The following BBS9 variants were observed in gnomAD, a reference collection of about 807,000 sequenced individuals.
BBS9 encodes Bardet-Biedl syndrome 9.
Under a neutral mutation model 117.7 loss-of-function variants are expected in BBS9, and 89 were observed. That is an observed-to-expected ratio of 0.76 (90% CI 0.64 to 0.90). The LOEUF is 0.90. Among genes scored for constraint, BBS9 ranks in the 40% least tolerant of loss-of-function variants. BBS9 has a pLI of 0.00. For missense variants in BBS9, 982 were observed against 1,042.2 expected (o/e 0.94, Z 0.80); for synonymous variants, 379 against 370.9 (o/e 1.02, Z -0.25).
chr7:33,265,958 G>A (rs1277272443), intron 7 of BBS9, among the ~76,000 whole-genome samples: 1 of 152,018 alleles, frequency 6.6e-6, no homozygotes, highest in Non-Finnish European at 1.5e-5. Flanking sequence ...ACTGATAATG[G>A]TAATTAAATT....
intron 19 of BBS9, among the ~76,000 whole-genome samples, chr7:33,451,123 C>G (rs919182617): frequency 1.3e-5 from 2 of 151,970 alleles, no homozygotes; most frequent in African/African-American, 2.4e-5. Context: ...CTCCTGACCT[C>G]GTGATCTGCC....
intron 19 of BBS9, among the ~76,000 whole-genome samples, chr7:33,414,601 A>G (rs1330176142): frequency 6.6e-6 from 1 of 152,220 alleles, no homozygotes; most frequent in African/African-American, 2.4e-5. Context: ...ATTTCATCTC[A>G]AGATGAGTTT....
chr7:33,541,106 C>A (rs1350990754), intron 21 of BBS9, among the ~76,000 whole-genome samples: 1 of 152,114 alleles, frequency 6.6e-6, no homozygotes, highest in Non-Finnish European at 1.5e-5. Context: ...TCTCATCAAG[C>A]TACCACTGTA....
intron 19 of BBS9, among the ~76,000 whole-genome samples, chr7:33,495,904 C>G (rs1241178144): frequency 2.0e-5 from 3 of 152,088 alleles, no homozygotes; most frequent in Non-Finnish European, 4.4e-5. Flanking sequence ...CAGAGTCATA[C>G]TTATATATAT....
intron 9 of BBS9, among the ~76,000 whole-genome samples, chr7:33,290,415 G>C (rs1803792177): frequency 6.6e-6 from 1 of 152,142 alleles, no homozygotes; most frequent in Non-Finnish European, 1.5e-5. Context: ...ATGGAGGGAT[G>C]CAGTTAAAAA....
At position 33,349,069 on chromosome 7, in the gene BBS9, T is replaced by C; in HGVS notation, c.1331T>C (p.Val444Ala). The change falls in exon 13 of 23, where the codon GTC becomes GCC. Residue 444 changes from valine (V) to alanine (A), a missense_variant and splice_region_variant. Physicochemically the swap from Val to Ala is moderately conservative, Grantham distance 64 (BLOSUM62 0). Coordinates refer to ENST00000242067, the MANE Select transcript of BBS9 (RefSeq NM_198428.3). ...TDLVPSVTVKVTLQNRVILQK... is the reference protein window; with the variant it reads ...TDLVPSVTVKATLQNRVILQK... ...TGATAACAATTTCTGTTTCCTTAGG[T>C]CACACTGCAGAACAGAGTGATATTG... The C allele has an allele frequency of 2.5e-6, 4 of 1,596,930 alleles. No individual in the cohort carries two copies. Among genetic ancestry groups the C allele is most frequent in the Non-Finnish European group, 3.4e-6 (4 of 1,164,696 alleles).
At chr7:33,138,776 A>C (rs576421759) in intron 1 of BBS9, among the ~76,000 whole-genome samples, 41 of 150,346 alleles carry the variant, frequency 2.7e-4, no homozygotes, top group Middle Eastern at 3.4e-3. Flanking sequence ...GGGGGGAAAG[A>C]TGGGGTCTTG....
chr7:33,314,393 T>C, intron 9 of BBS9: 1 of 312,388 alleles, frequency 3.2e-6, no homozygotes, highest in Non-Finnish European at 6.3e-6. Flanking sequence ...AGTGCTAGAT[T>C]AGAGCTATTA....
intron 21 of BBS9, among the ~76,000 whole-genome samples, chr7:33,593,314 G>C (rs1386946207): frequency 6.6e-6 from 1 of 152,048 alleles, no homozygotes; most frequent in Non-Finnish European, 1.5e-5. Context: ...CAATACTTTT[G>C]TATTCCTGTT....
chr7:33,627,190 G>A (rs1865682990), intron 21 of BBS9, among the ~76,000 whole-genome samples: 1 of 152,240 alleles, frequency 6.6e-6, no homozygotes, highest in African/African-American at 2.4e-5. Flanking sequence ...CCCAGCTGTG[G>A]CTAAAAGGGT....
intron 5 of BBS9, among the ~76,000 whole-genome samples, chr7:33,181,748 T>C (rs942866887): frequency 3.9e-5 from 6 of 152,240 alleles, no homozygotes; most frequent in Non-Finnish European, 7.3e-5. Context: ...TCACCAACCT[T>C]CCACAACTTG....
chr7:33,267,730 A>G (rs1390575047), intron 7 of BBS9, among the ~76,000 whole-genome samples: 1 of 152,170 alleles, frequency 6.6e-6, no homozygotes, highest in East Asian at 1.9e-4. Flanking sequence ...TGCATAAATA[A>G]TCAATTATAT....
At chr7:33,489,331 CTTTT>C (rs35199510) in intron 19 of BBS9, among the ~76,000 whole-genome samples, 8 of 86,252 alleles carry the variant, frequency 9.3e-5, no homozygotes, top group East Asian at 3.6e-4. Flanking sequence ...CCACTTATGG[CTTTT>C]TTTTTTTTTT....
intron 21 of BBS9, among the ~76,000 whole-genome samples, chr7:33,558,098 A>T (rs1855554500): frequency 6.6e-6 from 1 of 152,248 alleles, no homozygotes; most frequent in Non-Finnish European, 1.5e-5. Flanking sequence ...CTTGGAATCA[A>T]AAATTATTTT....
chr7:33,174,231 A>C (rs947685781), intron 4 of BBS9, among the ~76,000 whole-genome samples: 1 of 152,188 alleles, frequency 6.6e-6, no homozygotes, highest in African/African-American at 2.4e-5. Context: ...CATGATCCCC[A>C]GTTGCTGTGA....
At chr7:33,180,100 G>A (rs1002832207) in intron 5 of BBS9, among the ~76,000 whole-genome samples, 1 of 151,712 alleles carries the variant, frequency 6.6e-6, no homozygotes, top group African/African-American at 2.4e-5. Context: ...GTCACCTTTA[G>A]TTACCTGTTC....
chr7:33,257,168 A>G, intron 5 of BBS9, 68 bp from the exon 6 acceptor site: 2 of 1,092,708 alleles, frequency 1.8e-6, no homozygotes, highest in Non-Finnish European at 2.6e-6. Context: ...TGTTGTAGAT[A>G]GTGATTAATA....
chr7:33,374,412 C>G (rs1201163740), intron 17 of BBS9, among the ~76,000 whole-genome samples: 2 of 151,768 alleles, frequency 1.3e-5, no homozygotes, highest in Non-Finnish European at 1.5e-5. Flanking sequence ...ACCTCATGCC[C>G]CGAGAATAGT....
intron 19 of BBS9, among the ~76,000 whole-genome samples, chr7:33,482,243 G>A (rs1842601258): frequency 6.6e-6 from 1 of 152,204 alleles, no homozygotes; most frequent in Non-Finnish European, 1.5e-5. Flanking sequence ...GGACAGTTAT[G>A]TTCAGGTGCT....
Sources: gnomAD v4.1 joint callset for allele counts (sites outside exome capture counted in the v4.1 genomes callset) on GRCh38, gnomAD v4.1.1 for gene constraint, MANE v1.5 for transcripts, NCBI Gene and HGNC (gene_info 2026-07-23, HGNC 2026-07-21) for gene names.